Variants in PNO1 observed in about 807,000 individuals in gnomAD.
PNO1 encodes the protein RNA-binding protein PNO1.
Under a neutral mutation model 28.4 loss-of-function variants are expected in PNO1, and 16 were observed. That is an observed-to-expected ratio of 0.56 (90% CI 0.38 to 0.85). The LOEUF is 0.85. PNO1 is among the 40% of genes least tolerant of loss of function. The pLI is 0.00. For synonymous variants in PNO1, 115 were observed against 110.8 expected, an observed-to-expected ratio of 1.04 and a Z score of -0.24; for missense variants, 304 against 312.2, an observed-to-expected ratio of 0.97 and a Z score of 0.20.
At chr2:68,174,517 A>G (rs540839555) in intron 6 of PNO1, among the ~76,000 whole-genome samples, 2 of 152,276 alleles carry the variant, frequency 1.3e-5, no homozygotes, top group East Asian at 3.9e-4. Flanking sequence ...TAGCATTTGC[A>G]TTGTATTAGG....
rs1553400569 is a variant in PNO1, at chr2:68,159,278, G to GTGTA, written c.357+750_357+751insGTAT. ...TATGTGTGTGTGTGTGTGTGTGTGT[G>GTGTA]TATATATATCTTTTTATTTTGCTCT... is the stretch of plus-strand genomic sequence containing the variant. On this transcript the variant is annotated intron_variant, in intron 2 of 6. Coordinates refer to ENST00000263657, the MANE Select transcript of PNO1 (RefSeq NM_020143.4). 3.5e-5 allele frequency among the ~76,000 whole-genome samples: 5 copies of GTGTA among 143,096 alleles called. No homozygotes were observed. The East Asian group carries it at 8.2e-4, about 23-fold the overall frequency. The allele number at this position is 143,096 out of a possible 152,430, so 93.9% of individuals were successfully genotyped here.
At chr2:68,169,722 G>A (rs1202824044) in intron 5 of PNO1, among the ~76,000 whole-genome samples, 1 of 152,178 alleles carries the variant, frequency 6.6e-6, no homozygotes, top group Non-Finnish European at 1.5e-5. Flanking sequence ...TAGTAAATAA[G>A]ATAGACTAGT....
At chr2:68,159,792 C>T (rs149337696) in intron 2 of PNO1, among the ~76,000 whole-genome samples, 1,667 of 152,010 alleles carry the variant, frequency 0.011, 32 homozygotes, top group Non-Finnish European at 0.016. Flanking sequence ...TTGCCATTCT[C>T]TCATTCAGGC....
chr2:68,168,548 T>C (rs1217689934), intron 5 of PNO1, among the ~76,000 whole-genome samples: 1 of 152,190 alleles, frequency 6.6e-6, no homozygotes, highest in Non-Finnish European at 1.5e-5. Context: ...GGCCAGTGCT[T>C]GTTAAGCTGC....
At chr2:68,171,205 G>A (rs554464552) in intron 5 of PNO1, among the ~76,000 whole-genome samples, 38 of 152,142 alleles carry the variant, frequency 2.5e-4, no homozygotes, top group Non-Finnish European at 4.6e-4. Flanking sequence ...CATTTTCGTC[G>A]TACTAATTCA....
chr2:68,168,921 C>CTTTTTTTTTT (rs57701897), intron 5 of PNO1, among the ~76,000 whole-genome samples: 13 of 72,480 alleles, frequency 1.8e-4, no homozygotes, highest in Non-Finnish European at 3.1e-4. Flanking sequence ...CAGCTTTTTT[C>CTTTTTTTTTT]TTTTTTTTTT....
Position 68,162,649 on chromosome 2 carries a change from A to G in PNO1, c.606A>G (p.Ile202Met). The change falls in exon 5 of 7, where the codon ATA becomes ATG. Residue 202 changes from isoleucine (I) to methionine (M), a missense_variant. Transcript: ENST00000263657. ...TAGAGAATGTGACACGGACAAGGAT[A>G]GTTTTGGCTGATGTGTAAGTATCTG... is the stretch of plus-strand genomic sequence containing the variant. ...FTIENVTRTR[I>M]VLADVKVHIL... 1 of 1,605,210 alleles carries G rather than the reference A, an allele frequency of 6.2e-7. No individual in the cohort carries two copies. The highest frequency in any genetic ancestry group is 8.5e-7 in the Non-Finnish European group (1 of 1,171,970).
intron 5 of PNO1, among the ~76,000 whole-genome samples, chr2:68,164,240 A>G (rs1238078796): frequency 6.6e-6 from 1 of 152,214 alleles, no homozygotes; most frequent in Non-Finnish European, 1.5e-5. Flanking sequence ...CTGTAATCCC[A>G]GCACTTTGGA....
intron 2 of PNO1, among the ~76,000 whole-genome samples, chr2:68,160,791 A>G (rs1393327179): frequency 6.6e-6 from 1 of 152,202 alleles, no homozygotes; most frequent in African/African-American, 2.4e-5. Flanking sequence ...TAAAGTATCT[A>G]TGGGACTTGT....
intron 5 of PNO1, among the ~76,000 whole-genome samples, chr2:68,167,429 CCTT>C (rs1385102875): frequency 6.6e-6 from 1 of 152,162 alleles, no homozygotes; most frequent in Non-Finnish European, 1.5e-5. Flanking sequence ...CTTGTGCAAG[CCTT>C]CTTGTACATC....
At chr2:68,159,252 ATATG>A (rs1041708326) in intron 2 of PNO1, among the ~76,000 whole-genome samples, 8 of 97,716 alleles carry the variant, frequency 8.2e-5, no homozygotes, top group African/African-American at 2.1e-4. Context: ...ACATGCATAT[ATATG>A]TGTGTGTGTG....
intron 2 of PNO1, among the ~76,000 whole-genome samples, chr2:68,159,781 G>A (rs1178912680): frequency 6.6e-6 from 1 of 151,896 alleles, no homozygotes; most frequent in African/African-American, 2.4e-5. Context: ...CTTTGTCCCT[G>A]TTGCCATTCT....
intron 3 of PNO1, 40 bp downstream of exon 3, chr2:68,161,806 A>T: frequency 7.6e-7 from 1 of 1,315,292 alleles, no homozygotes; most frequent in Non-Finnish European, 1.1e-6. Flanking sequence ...GACTTTAAAA[A>T]TATTCAATGT....
At chr2:68,159,130 T>G (rs1029588219) in intron 2 of PNO1, among the ~76,000 whole-genome samples, 12 of 152,214 alleles carry the variant, frequency 7.9e-5, no homozygotes, top group African/African-American at 2.9e-4. Flanking sequence ...TATACTGTTA[T>G]GAGACCACCA....
chr2:68,166,687 A>G (rs775318702), intron 5 of PNO1, among the ~76,000 whole-genome samples: 2 of 152,208 alleles, frequency 1.3e-5, no homozygotes, highest in South Asian at 4.1e-4. Flanking sequence ...TTTTAGTTTC[A>G]GTGCCCACGT....
intron 2 of PNO1, among the ~76,000 whole-genome samples, chr2:68,160,466 T>A (rs1228340571): frequency 6.6e-6 from 1 of 152,226 alleles, no homozygotes; most frequent in Non-Finnish European, 1.5e-5. Flanking sequence ...AAGTTCTTTC[T>A]CTGTTATGGT....
intron 5 of PNO1, among the ~76,000 whole-genome samples, chr2:68,165,647 G>T (rs1358761420): frequency 6.9e-6 from 1 of 145,094 alleles, no homozygotes; most frequent in Non-Finnish European, 1.5e-5. Context: ...TTAGGAATTC[G>T]AAACCAGCCT....
intron 6 of PNO1, among the ~76,000 whole-genome samples, 181 bp downstream of exon 6, chr2:68,173,598 T>TTTC (rs1325950411): frequency 2.2e-5 from 3 of 137,148 alleles, no homozygotes; most frequent in African/African-American, 8.5e-5. Context: ...TTTTTTTTTT[T>TTTC]CTGAGCCAGA....
rs1674274051 is a variant in PNO1, at chr2:68,176,046, A to G, written c.*1244A>G. 1 of 152,256 alleles carries G rather than the reference A, an allele frequency of 6.6e-6. No homozygotes were observed. Among genetic ancestry groups the G allele is most frequent in the Non-Finnish European group, 1.5e-5 (1 of 68,046 alleles). 9.4% of individuals were successfully genotyped at this position (152,256 alleles called of 1,614,324 possible). A position where few individuals can be genotyped will look rare whatever the true frequency, so the allele number is the denominator to read the frequency against. On this transcript the variant is annotated 3_prime_UTR_variant, in exon 7 of 7. Coordinates refer to ENST00000263657, the MANE Select transcript of PNO1 (RefSeq NM_020143.4). ...ACTGAATGAATAATTCTAAAGTTGA[A>G]AAATAATAGTAAGAACCATCATAAG...
Sources: allele counts gnomAD v4.1 joint callset (sites outside exome capture counted in the v4.1 genomes callset), GRCh38; gene constraint gnomAD v4.1.1; transcripts MANE v1.5; gene names NCBI Gene and HGNC (gene_info 2026-07-23, HGNC 2026-07-21).